CFHR4: variants seen among roughly 807,000 people sequenced by gnomAD.
The protein encoded by CFHR4 is complement factor H related 4.
CFHR4 carries 64 observed loss-of-function variants against 69.3 expected under a neutral mutation model. The ratio of observed to expected loss-of-function variants is 0.92; its 90% confidence interval spans 0.76 to 1.14. The LOEUF is 1.14. CFHR4 is among the 50% of genes most tolerant of loss of function. The probability of loss-of-function intolerance (pLI) is 0.00; values close to 1 mark genes in which losing one functional copy is unlikely to be tolerated. For synonymous variants in CFHR4, 244 were observed against 237.0 expected (o/e 1.03, Z -0.27); for missense variants, 636 against 684.9 (o/e 0.93, Z 0.80).
rs1658463023 is a variant in CFHR4 at position 196,914,487 on chromosome 1, T to C, written c.1181-8T>C. On this transcript the variant is annotated splice_region_variant and splice_polypyrimidine_tract_variant and intron_variant, in intron 7 of 9. Coordinates refer to ENST00000608469, the MANE Select transcript of CFHR4 (RefSeq NM_001201550.3). ...AGAAAAGCAATCCTCAATTTTATTT[T>C]GTTTCAGAATTTTGTGATATGCCTG... 6.2e-7 allele frequency: 1 copy of C among 1,603,256 alleles called. No individual in the cohort carries two copies.
intron 6 of CFHR4, among the ~76,000 whole-genome samples, chr1:196,911,159 T>A (rs1336257761): frequency 6.6e-6 from 1 of 151,640 alleles, no homozygotes; most frequent in Non-Finnish European, 1.5e-5. Flanking sequence ...GAAAATTTTG[T>A]ATATCAACTC....
At chr1:196,909,238 C>T (rs1435701852) in intron 5 of CFHR4, among the ~76,000 whole-genome samples, 5 of 151,368 alleles carry the variant, frequency 3.3e-5, no homozygotes, top group Non-Finnish European at 7.4e-5. Context: ...TTATAATTAT[C>T]TGAGGACATA....
intron 7 of CFHR4, among the ~76,000 whole-genome samples, chr1:196,914,049 G>A (rs1008042843): frequency 4.6e-5 from 7 of 151,342 alleles, no homozygotes; most frequent in Non-Finnish European, 8.8e-5. Flanking sequence ...AATTTTTATA[G>A]AACTTATATC....
intron 1 of CFHR4, among the ~76,000 whole-genome samples, chr1:196,898,219 G>T (rs1657413980): frequency 6.6e-6 from 1 of 151,422 alleles, no homozygotes; most frequent in African/African-American, 2.4e-5. Context: ...AATCATATGT[G>T]AGTTTATAGA....
intron 5 of CFHR4, among the ~76,000 whole-genome samples, chr1:196,907,710 A>T (rs536357129): frequency 1.3e-5 from 2 of 151,652 alleles, no homozygotes; most frequent in African/African-American, 4.9e-5. Context: ...AAAAACAGGA[A>T]TGTTCAGAGA....
At chr1:196,907,117 T>C in intron 4 of CFHR4, 80 bp downstream of exon 4, 2 of 1,318,996 alleles carry the variant, frequency 1.5e-6, no homozygotes, top group Non-Finnish European at 2.1e-6. Context: ...CACATATGTG[T>C]ATGAATACAT....
At position 196,907,486 on chromosome 1, in the gene CFHR4, C is replaced by G. The variant is rs551197355; in HGVS notation, c.787C>G (p.Pro263Ala). The part of the protein sequence containing the change: ...TCSNGDWSEP[P>A]RCISMKPCEF... The stretch of plus-strand genomic sequence containing the variant: ...TAGTAATGGAGACTGGTCAGAACCA[C>G]CAAGATGCATATGTAAGTTCTTAAT... The change falls in exon 5 of 10, where the codon CCA becomes GCA. Residue 263 changes from proline to alanine, a missense_variant. Pro to Ala is a conservative substitution (Grantham distance 27). Coordinates refer to ENST00000608469, the MANE Select transcript of CFHR4 (RefSeq NM_001201550.3). 1 of 1,609,080 alleles carries G rather than the reference C, an allele frequency of 6.2e-7. No individual in the cohort carries two copies. The highest frequency in any genetic ancestry group is 1.3e-5 in the African/African-American group (1 of 74,086).
rs777524466 is a variant in CFHR4, at chr1:196,910,371, A to G, written c.890A>G (p.Gln297Arg). 8 of 1,611,540 alleles carry G rather than the reference A, an allele frequency of 5.0e-6. No homozygotes were observed. The Admixed American group carries it at 1.3e-4, about 27-fold the overall frequency. The change falls in exon 6 of 10, where the codon CAA becomes CGA. Residue 297 changes from glutamine (Q) to arginine (R), a missense_variant. This residue lies in a region of CFHR4 where 529 missense variants were observed against 533.2 expected (regional missense o/e 0.99). Coordinates refer to ENST00000608469, the MANE Select transcript of CFHR4 (RefSeq NM_001201550.3). ...RRPYFPVATG[Q>R]SYSYYCDQNF... ...CCATACTTTCCAGTAGCTACAGGAC[A>G]ATCTTACTCCTATTACTGTGACCAA...
At chr1:196,891,828 G>T (rs925741265) in intron 1 of CFHR4, among the ~76,000 whole-genome samples, 1 of 150,924 alleles carries the variant, frequency 6.6e-6, no homozygotes, top group Non-Finnish European at 1.5e-5. Context: ...TAGAATGTAT[G>T]AATATATATG....
In CFHR4 at chr1:196,906,952, T is replaced by C. The variant is rs578099508; in HGVS notation, c.531T>C (p.Tyr177=). The stretch of plus-strand genomic sequence containing the variant: ...ATGACACATTGGACTATGAATGCTA[T>C]GATGGATATGAAAGCAGTTATGGAA... ...KLHDTLDYEC[Y]DGYESSYGNT... The change falls in exon 4 of 10, where the codon TAT becomes TAC. Residue 177 remains tyrosine, a synonymous_variant. Coordinates refer to ENST00000608469, the MANE Select transcript of CFHR4 (RefSeq NM_001201550.3). 1.7e-5 allele frequency: 27 copies of C among 1,612,630 alleles called. 1 individual carries two copies. In the East Asian group the frequency reaches 2.0e-4, roughly 12 times the overall value.
intron 7 of CFHR4, among the ~76,000 whole-genome samples, chr1:196,913,317 G>A (rs933639085): frequency 1.1e-4 from 16 of 151,390 alleles, no homozygotes; most frequent in Admixed American, 5.3e-4. Flanking sequence ...TGTACATGTC[G>A]GGGGAGAAAT....
chr1:196,903,908 T>C (rs1162692565), intron 2 of CFHR4, among the ~76,000 whole-genome samples: 1 of 151,574 alleles, frequency 6.6e-6, no homozygotes, highest in Non-Finnish European at 1.5e-5. Context: ...TCTGTCGCTT[T>C]AAATGAAGAC....
At chr1:196,897,114 G>C (rs1045490041) in intron 1 of CFHR4, among the ~76,000 whole-genome samples, 9 of 151,548 alleles carry the variant, frequency 5.9e-5, no homozygotes, top group Non-Finnish European at 1.2e-4. Flanking sequence ...AAAAGAAAAG[G>C]ACTGAACTGG....
chr1:196,912,795 C>T lies in CFHR4; in HGVS notation c.1053C>T (p.Ser351=), dbSNP rs772251666. The change falls in exon 7 of 10, where the codon TCC becomes TCT. Residue 351 remains serine (S), a synonymous_variant. Coordinates refer to ENST00000608469, the MANE Select transcript of CFHR4 (RefSeq NM_001201550.3). ...EIENGFISES[S]SIYILNKEIQ... ...AAAATGGATTCATTTCTGAATCTTCCTCTATTTATATTTTAAATAAAGAAA... is the reference window on the plus strand; with the variant it reads ...AAAATGGATTCATTTCTGAATCTTCTTCTATTTATATTTTAAATAAAGAAA... 8 of 1,598,198 alleles carry T rather than the reference C, an allele frequency of 5.0e-6. No homozygotes were observed. In the East Asian group the frequency reaches 9.0e-5, roughly 18 times the overall value.
intron 5 of CFHR4, among the ~76,000 whole-genome samples, chr1:196,908,709 G>A (rs1373086891): frequency 2.6e-5 from 4 of 151,470 alleles, no homozygotes; most frequent in African/African-American, 9.8e-5. Flanking sequence ...ACTAGCCTAT[G>A]AGGTAGAGAA....
intron 1 of CFHR4, among the ~76,000 whole-genome samples, chr1:196,890,716 CT>C (rs1656978287): frequency 6.6e-6 from 1 of 151,394 alleles, no homozygotes. Context: ...TGCCATTGTA[CT>C]TCTTTGGGAT....
chr1:196,892,932 TA>T (rs1657108560), intron 1 of CFHR4, among the ~76,000 whole-genome samples: 1 of 151,582 alleles, frequency 6.6e-6, no homozygotes, highest in South Asian at 2.1e-4. Context: ...ACAATGCAGT[TA>T]AGTGGAAGAA....
intron 9 of CFHR4, among the ~76,000 whole-genome samples, chr1:196,916,359 C>T (rs1658631138): frequency 6.6e-6 from 1 of 151,936 alleles, no homozygotes; most frequent in South Asian, 2.1e-4. Context: ...ACTATAAGTT[C>T]ATGAGTTTTT....
Position 196,918,297 on chromosome 1 carries a change from G to A in CFHR4, c.1628G>A (p.Gly543Glu). The change falls in exon 10 of 10, where the codon GGG becomes GAG. Residue 543 changes from glycine to glutamate, a missense_variant. Physicochemically the swap from Gly to Glu is moderately conservative, Grantham distance 98. This residue lies in a region of CFHR4 where 85 missense variants were observed against 79.0 expected (regional missense o/e 1.08). Transcript: ENST00000608469. The part of the protein sequence containing the change: ...KSDIKYYAKT[G>E]DTIEFMCKLG... ...GACATAAAATATTATGCAAAAACAG[G>A]GGATACCATTGAATTTATGTGTAAA... The A allele has an allele frequency of 1.2e-6, 2 of 1,609,906 alleles. No homozygotes were observed. Among genetic ancestry groups the A allele is most frequent in the Non-Finnish European group, 1.7e-6 (2 of 1,177,386 alleles).
Sources: gnomAD v4.1 joint callset for allele counts (sites outside exome capture counted in the v4.1 genomes callset) on GRCh38, gnomAD v4.1.1 for gene constraint, gnomAD v4.1.1 regional missense constraint, MANE v1.5 for transcripts, NCBI Gene and HGNC (gene_info 2026-07-23, HGNC 2026-07-21) for gene names.